The following SLC35F3 variants were observed in gnomAD, a reference collection of about 807,000 sequenced individuals.
The protein encoded by SLC35F3 is putative thiamine transporter SLC35F3.
A neutral mutation model predicts 49.9 loss-of-function variants in SLC35F3; 25 were observed. The ratio of observed to expected loss-of-function variants is 0.50; its 90% CI spans 0.37 to 0.70. The LOEUF (loss-of-function observed/expected upper bound fraction) is 0.70, where lower values mean the gene tolerates loss of function less well. SLC35F3 is among the 30% of genes least tolerant of loss of function. SLC35F3 has a pLI of 0.00. For missense variants in SLC35F3, 525 were observed against 639.8 expected (o/e 0.82, Z 1.94); for synonymous variants, 275 against 265.4 (o/e 1.04, Z -0.35).
intron 2 of SLC35F3, among the ~76,000 whole-genome samples, chr1:234,034,191 G>A (rs1664106741): frequency 6.6e-6 from 1 of 152,176 alleles, no homozygotes; most frequent in Non-Finnish European, 1.5e-5. Context: ...CTACTCATTT[G>A]TGCACATTGA....
chr1:234,025,581 C>T (rs974270181), intron 2 of SLC35F3, among the ~76,000 whole-genome samples: 3 of 152,142 alleles, frequency 2.0e-5, no homozygotes, highest in African/African-American at 7.2e-5. Context: ...TGATGTTGAG[C>T]ATTTTTTCAT....
rs548784590 is a variant in SLC35F3 at position 234,140,245 on chromosome 1, T to C, written c.284-91172T>C. ...CGTCACAATGCCTATGTTATTTATC[T>C]CATCTCATTTCATCTCATCACGCAG... On this transcript the variant is annotated intron_variant, in intron 2 of 7. Transcript: ENST00000366618. Among the ~76,000 whole-genome samples the C allele has an allele frequency of 8.3e-4, 127 of 152,270 alleles. 1 individual carries two copies. Among genetic ancestry groups the C allele is most frequent in the Non-Finnish European group, 9.7e-4 (66 of 68,032 alleles).
chr1:234,266,545 A>G (rs1435964623), intron 3 of SLC35F3, among the ~76,000 whole-genome samples: 2 of 152,214 alleles, frequency 1.3e-5, no homozygotes, highest in Non-Finnish European at 2.9e-5. Flanking sequence ...TCCATCATGT[A>G]ACATTGGGGA....
At chr1:234,293,758 A>G (rs150037547) in intron 3 of SLC35F3, among the ~76,000 whole-genome samples, 47 of 152,340 alleles carry the variant, frequency 3.1e-4, no homozygotes, top group African/African-American at 1.1e-3. Flanking sequence ...CAATTAATAG[A>G]AATCAGTGTT....
intron 3 of SLC35F3, among the ~76,000 whole-genome samples, chr1:234,252,468 A>G (rs765534086): frequency 2.0e-5 from 3 of 152,192 alleles, no homozygotes; most frequent in Admixed American, 6.5e-5. Flanking sequence ...TAAGAATCCA[A>G]ATTAGCAAAC....
intron 3 of SLC35F3, among the ~76,000 whole-genome samples, chr1:234,289,708 C>T (rs1353046627): frequency 6.6e-6 from 1 of 152,218 alleles, no homozygotes; most frequent in Non-Finnish European, 1.5e-5. Context: ...CAACCTGAGA[C>T]TGGGGAAACA....
chr1:233,986,591 G>A (rs1035680966), intron 2 of SLC35F3, among the ~76,000 whole-genome samples: 1 of 152,144 alleles, frequency 6.6e-6, no homozygotes, highest in African/African-American at 2.4e-5. Context: ...GTATCTGTTT[G>A]AGGCATTTTG....
intron 3 of SLC35F3, among the ~76,000 whole-genome samples, chr1:234,267,518 C>CCCG (rs1558091575): frequency 4.0e-4 from 50 of 125,634 alleles, no homozygotes; most frequent in African/African-American, 1.4e-3. Context: ...CTGACCCCCC[C>CCCG]ACCTCCCTCC....
At chr1:234,103,413 G>A (rs1665241037) in intron 2 of SLC35F3, among the ~76,000 whole-genome samples, 1 of 152,138 alleles carries the variant, frequency 6.6e-6, no homozygotes, top group Non-Finnish European at 1.5e-5. Flanking sequence ...AGGGTGAGGT[G>A]GCCGAGTCCA....
chr1:234,260,706 A>G lies in SLC35F3; in HGVS notation c.608+28965A>G, dbSNP rs562298780. Among the ~76,000 whole-genome samples the G allele has an allele frequency of 1.2e-4, 18 of 152,322 alleles. No homozygotes were observed. In the South Asian group the frequency reaches 3.5e-3, roughly 30 times the overall value. ...ATCTATAGAAGGGGGATAACAAACG[A>G]TCTTAATGTAGTCAGGTTAGTATGA... On this transcript the variant is annotated intron_variant, in intron 3 of 7. Transcript: ENST00000366618.
At chr1:234,194,250 G>A (rs1666771941) in intron 2 of SLC35F3, among the ~76,000 whole-genome samples, 1 of 152,164 alleles carries the variant, frequency 6.6e-6, no homozygotes, top group Non-Finnish European at 1.5e-5. Context: ...ATTGTTTATG[G>A]AATACTACTC....
chr1:234,231,643 G>T lies in SLC35F3; in HGVS notation c.510G>T (p.Thr170=), dbSNP rs563918632. The T allele has an allele frequency of 1.5e-5, 25 of 1,614,206 alleles. No individual in the cohort carries two copies. In the South Asian group the frequency reaches 2.5e-4, roughly 16 times the overall value. The change falls in exon 3 of 8, where the codon ACG becomes ACT. Residue 170 remains threonine (T), a synonymous_variant. Transcript: ENST00000366618. This position sits in a 1 kb window ranked among gnomAD's most constrained non-coding sequence, Gnocchi z 5.4. Reference sequence around the variant, plus strand: ...AGTTCGACGCGCCCTTCACCCTCACGTGGTTTGCCACCAACTGGAACTTTT... The same window carrying T: ...AGTTCGACGCGCCCTTCACCCTCACTTGGTTTGCCACCAACTGGAACTTTT... ...FRKFDAPFTL[T]WFATNWNFLF...
chr1:233,928,507 G>A (rs1378434197), intron 2 of SLC35F3, among the ~76,000 whole-genome samples: 1 of 152,094 alleles, frequency 6.6e-6, no homozygotes, highest in Non-Finnish European at 1.5e-5. Context: ...CCTGGGCTCT[G>A]GGGAAACTAG....
At chr1:233,994,800 T>C (rs1249478619) in intron 2 of SLC35F3, among the ~76,000 whole-genome samples, 2 of 152,068 alleles carry the variant, frequency 1.3e-5, no homozygotes, top group Admixed American at 1.3e-4. Context: ...CTAGAATGGA[T>C]TGTTGAATAG....
intron 2 of SLC35F3, among the ~76,000 whole-genome samples, chr1:234,077,373 A>G (rs904820593): frequency 4.6e-5 from 7 of 152,358 alleles, no homozygotes; most frequent in African/African-American, 1.7e-4. Flanking sequence ...CAATCATGAC[A>G]GAAGGTGAAG....
At chr1:234,097,035 A>T (rs189883492) in intron 2 of SLC35F3, among the ~76,000 whole-genome samples, 204 of 152,100 alleles carry the variant, frequency 1.3e-3, no homozygotes, top group Admixed American at 2.3e-3. Context: ...GATTATGAGC[A>T]TGCGCCACCA....
chr1:234,183,075 G>A (rs1053935398), intron 2 of SLC35F3, among the ~76,000 whole-genome samples: 5 of 142,970 alleles, frequency 3.5e-5, no homozygotes, highest in African/African-American at 1.2e-4. Flanking sequence ...AGAGTGCAGT[G>A]GCACAATCTC....
intron 3 of SLC35F3, among the ~76,000 whole-genome samples, chr1:234,269,655 T>C (rs907996408): frequency 2.0e-5 from 3 of 152,144 alleles, no homozygotes; most frequent in Non-Finnish European, 1.5e-5. Flanking sequence ...CATTATTCGA[T>C]GCGGGGCCTA....
At chr1:234,141,683 T>G (rs370399678) in intron 2 of SLC35F3, among the ~76,000 whole-genome samples, 9 of 152,322 alleles carry the variant, frequency 5.9e-5, no homozygotes, top group African/African-American at 2.2e-4. Context: ...TGTTAGCTTA[T>G]CTTTGGAGAA....
Sources: gnomAD v4.1 joint callset for allele counts (sites outside exome capture counted in the v4.1 genomes callset) on GRCh38, gnomAD v4.1.1 for gene constraint, Gnocchi (gnomAD v3.1) non-coding constraint, MANE v1.5 for transcripts, NCBI Gene and HGNC (gene_info 2026-07-23, HGNC 2026-07-21) for gene names.